Variants in VANGL1 observed in about 807,000 individuals in gnomAD.
VANGL1 encodes the protein VANGL planar cell polarity protein 1.
A neutral mutation model predicts 48.4 loss-of-function variants in VANGL1; 18 were observed. The observed-to-expected ratio is 0.37, with a 90% CI of 0.26 to 0.55. The LOEUF (loss-of-function observed/expected upper bound fraction) is 0.55, where lower values mean the gene tolerates loss of function less well. Ranked by LOEUF, VANGL1 falls within the 20% of genes least tolerant of loss-of-function variation. VANGL1 has a pLI of 0.81. For synonymous variants in VANGL1, 257 were observed against 261.8 expected (o/e 0.98, Z 0.18); for missense variants, 667 against 675.8 (o/e 0.99, Z 0.14).
At chr1:115,675,889 G>T (rs1214699802) in intron 4 of VANGL1, among the ~76,000 whole-genome samples, 1 of 152,150 alleles carries the variant, frequency 6.6e-6, no homozygotes, top group Non-Finnish European at 1.5e-5. Flanking sequence ...CTGCTTGGGT[G>T]AACACTAAGA....
chr1:115,657,697 G>T (rs1323027080), intron 2 of VANGL1, among the ~76,000 whole-genome samples: 1 of 152,126 alleles, frequency 6.6e-6, no homozygotes, highest in Non-Finnish European at 1.5e-5. Context: ...CTTTGCAGTT[G>T]TATTAGTCTC....
At chr1:115,652,926 G>A (rs1652207420) in intron 2 of VANGL1, among the ~76,000 whole-genome samples, 1 of 152,138 alleles carries the variant, frequency 6.6e-6, no homozygotes, top group African/African-American at 2.4e-5. Flanking sequence ...TTTTACAAGT[G>A]TATATTTTGT....
chr1:115,679,755 T>C (rs922675602), intron 4 of VANGL1, among the ~76,000 whole-genome samples: 1 of 152,218 alleles, frequency 6.6e-6, no homozygotes, highest in African/African-American at 2.4e-5. Flanking sequence ...TTCTGATGAT[T>C]GCTTTTTAAT....
At chr1:115,651,143 C>T in intron 1 of VANGL1, 134 bp from the exon 2 acceptor site, 1 of 461,512 alleles carries the variant, frequency 2.2e-6, no homozygotes, top group Non-Finnish European at 4.0e-6. Flanking sequence ...ATTTACAGTT[C>T]AGTTGCTTCA....
chr1:115,667,738 T>C (rs1652843725), intron 4 of VANGL1, among the ~76,000 whole-genome samples: 1 of 152,214 alleles, frequency 6.6e-6, no homozygotes, highest in African/African-American at 2.4e-5. Flanking sequence ...AGTTGCTAAC[T>C]TTTCCAGGAT....
intron 4 of VANGL1, among the ~76,000 whole-genome samples, chr1:115,665,654 C>A (rs988818391): frequency 3.3e-5 from 5 of 152,196 alleles, no homozygotes; most frequent in African/African-American, 1.2e-4. Context: ...CCTAACTGAT[C>A]CTTGGTGGAA....
At position 115,676,343 on chromosome 1, in the gene VANGL1, G is replaced by T. The variant is rs566879537; in HGVS notation, c.813-6021G>T. On this transcript the variant is annotated intron_variant, in intron 4 of 7. Transcript: ENST00000355485. ...AAACAAAGAGTAGCATAACTTTGTG[G>T]CCCCAGTCCCTAAGGAAAACTGTGC... Among the ~76,000 whole-genome samples, 21 of 152,204 alleles carry T rather than the reference G, an allele frequency of 1.4e-4. No individual in the cohort carries two copies. The South Asian group carries it at 4.4e-3, about 32-fold the overall frequency.
At chr1:115,675,462 G>C (rs115512518) in intron 4 of VANGL1, among the ~76,000 whole-genome samples, 1 of 151,964 alleles carries the variant, frequency 6.6e-6, no homozygotes, top group Non-Finnish European at 1.5e-5. Context: ...AGATTGCACC[G>C]CTGCACTCCA....
intron 2 of VANGL1, among the ~76,000 whole-genome samples, chr1:115,652,892 A>T (rs1020432503): frequency 3.3e-5 from 5 of 152,204 alleles, no homozygotes; most frequent in Non-Finnish European, 5.9e-5. Context: ...ATTTTCATTT[A>T]TCTTTTTGTA....
At chr1:115,669,092 A>G (rs1241913906) in intron 4 of VANGL1, among the ~76,000 whole-genome samples, 1 of 152,190 alleles carries the variant, frequency 6.6e-6, no homozygotes, top group Non-Finnish European at 1.5e-5. Context: ...TGATTTCTAC[A>G]TCTTAAAAAG....
intron 4 of VANGL1, among the ~76,000 whole-genome samples, chr1:115,674,227 C>G (rs1653085357): frequency 6.6e-6 from 1 of 152,158 alleles, no homozygotes; most frequent in Non-Finnish European, 1.5e-5. Context: ...AGCTTTGCCC[C>G]CACTGTGGAT....
Position 115,664,098 on chromosome 1 carries a change from G to T in VANGL1, c.642G>T (p.Arg214=). ...TCCGCATTTTGGACTCTCGGGACCG[G>T]AATTACCAGGGCATTGTGCAATATG... is the stretch of plus-strand genomic sequence containing the variant. ...YGVRILDSRD[R]NYQGIVQYAV... is the part of the protein sequence containing the mutation. The change falls in exon 4 of 8, where the codon CGG becomes CGT. Residue 214 remains arginine (R), a synonymous_variant. Coordinates refer to ENST00000355485, the MANE Select transcript of VANGL1 (RefSeq NM_138959.3). 3.1e-6 allele frequency: 5 copies of T among 1,614,182 alleles called. No individual in the cohort carries two copies. The highest frequency in any genetic ancestry group is 4.2e-6 in the Non-Finnish European group (5 of 1,180,034).
chr1:115,663,583 G>C, intron 3 of VANGL1, 78 bp from the exon 4 acceptor site: 1 of 1,588,086 alleles, frequency 6.3e-7, no homozygotes, highest in Non-Finnish European at 8.6e-7. Context: ...GATGCAGCGG[G>C]CCCTGCATGT....
rs1366300174 is a variant in VANGL1, at chr1:115,684,005, G to A, written c.1008G>A (p.Arg336=). The part of the protein sequence containing the change: ...RAMIAAAARR[R]DSSHNELYYE... ...TGATTGCTGCAGCTGCTCGGCGCAG[G>A]GACTCAAGCCACAACGAGTTGTATT... The change falls in exon 6 of 8, where the codon AGG becomes AGA. Residue 336 remains arginine (R), a synonymous_variant. Transcript: ENST00000355485. 9.3e-6 allele frequency: 15 copies of A among 1,613,946 alleles called. No individual in the cohort carries two copies. The highest frequency in any genetic ancestry group is 2.7e-5 in the African/African-American group (2 of 74,900).
chr1:115,645,182 G>A (rs920779065), intron 1 of VANGL1, among the ~76,000 whole-genome samples: 4 of 151,454 alleles, frequency 2.6e-5, no homozygotes, highest in Non-Finnish European at 2.9e-5. Context: ...CCAACCTGGG[G>A]ATGGTAAATA....
At chr1:115,663,198 A>G (rs894052232) in intron 3 of VANGL1, among the ~76,000 whole-genome samples, 1 of 152,172 alleles carries the variant, frequency 6.6e-6, no homozygotes, top group Non-Finnish European at 1.5e-5. Context: ...AGGGTGTAGT[A>G]ATACTCCCAC....
intron 7 of VANGL1, among the ~76,000 whole-genome samples, chr1:115,686,683 T>C (rs1653648096): frequency 1.3e-5 from 2 of 152,118 alleles, no homozygotes; most frequent in South Asian, 2.1e-4. Context: ...CTAAATACTG[T>C]AATCTAAAAG....
chr1:115,663,740 T>A lies in VANGL1; in HGVS notation c.284T>A (p.Ile95Asn). Residue 95 changes from isoleucine (I) to asparagine (N), a missense_variant, in exon 4 of 8, where the codon ATC becomes AAC. By Grantham distance (149) the Ile-to-Asn change is moderately radical. Transcript: ENST00000355485. ...HSISQEDIAR[I>N]SKDMEDSVGL... The stretch of plus-strand genomic sequence containing the variant: ...ATATCCCAAGAGGACATTGCCAGGA[T>A]CAGCAAGGACATGGAGGACAGCGTG... The A allele has an allele frequency of 6.2e-7, 1 of 1,614,170 alleles. No individual in the cohort carries two copies. The highest frequency in any genetic ancestry group is 8.5e-7 in the Non-Finnish European group (1 of 1,180,034).
At position 115,691,255 on chromosome 1, in the gene VANGL1, A is replaced by C. The variant is rs1213837916; in HGVS notation, c.1451A>C (p.Lys484Thr). ...CGGGATGGAATTGTGTTCGTCCTTA[A>C]GTGCTTGGACTTCAGCCTCGTAGTC... is the stretch of plus-strand genomic sequence containing the variant. ...GLRDGIVFVL[K>T]CLDFSLVVNV... is the part of the protein sequence containing the mutation. The change falls in exon 8 of 8, where the codon AAG becomes ACG. Residue 484 changes from lysine (K) to threonine (T), a missense_variant. By Grantham distance (78) the Lys-to-Thr change is moderately conservative. Coordinates refer to ENST00000355485, the MANE Select transcript of VANGL1 (RefSeq NM_138959.3). 1 of 1,614,160 alleles carries C rather than the reference A, an allele frequency of 6.2e-7. No individual in the cohort carries two copies. The highest frequency in any genetic ancestry group is 2.2e-5 in the East Asian group (1 of 44,866).
Sources: gnomAD v4.1 joint callset for allele counts (sites outside exome capture counted in the v4.1 genomes callset) on GRCh38, gnomAD v4.1.1 for gene constraint, MANE v1.5 for transcripts, NCBI Gene and HGNC (gene_info 2026-07-23, HGNC 2026-07-21) for gene names.